Variants in ADGRA2 observed in about 807,000 individuals in gnomAD.
ADGRA2 encodes adhesion G protein-coupled receptor A2, also known as G-protein coupled receptor 124.
ADGRA2 carries 61 observed loss-of-function variants against 98.7 expected under a neutral mutation model. The observed-to-expected ratio is 0.62, with a 90% confidence interval of 0.50 to 0.76. The LOEUF is 0.76. Among genes scored for constraint, ADGRA2 ranks in the 30% least tolerant of loss-of-function variants. ADGRA2 has a pLI of 0.00. For synonymous variants in ADGRA2, 858 were observed against 831.5 expected, an observed-to-expected ratio of 1.03 and a Z score of -0.55; for missense variants, 1,712 against 1,860.0, an observed-to-expected ratio of 0.92 and a Z score of 1.46.
At chr8:37,806,628 C>G (rs1416297619) in intron 1 of ADGRA2, among the ~76,000 whole-genome samples, 1 of 148,330 alleles carries the variant, frequency 6.7e-6, no homozygotes, top group Non-Finnish European at 1.5e-5. Flanking sequence ...CTCCTGGGTT[C>G]AAGCAATTCT....
rs199996336 is a variant in ADGRA2, at chr8:37,837,835, G to A, written c.2155G>A (p.Gly719Arg). Residue 719 changes from glycine (G) to arginine (R), a missense_variant, in exon 14 of 19, where the codon GGG becomes AGG. By Grantham distance (125) the Gly-to-Arg change is moderately radical. Transcript: ENST00000412232. ...VAAWWSQEGP[G>R]EAGGWTSEGC... ...CGCTTGGTGGAGCCAGGAGGGGCCC[G>A]GGGAGGCTGGGGGCTGGACCTCGGA... The A allele has an allele frequency of 5.0e-5, 77 of 1,526,560 alleles. 1 individual carries two copies. Among genetic ancestry groups the A allele is most frequent in the East Asian group, 2.9e-4 (12 of 40,928 alleles). The allele number at this position is 1,526,560 out of a possible 1,614,324, so 94.6% of individuals were successfully genotyped here.
In ADGRA2 at chr8:37,842,186, G is replaced by C. The variant is rs546264591; in HGVS notation, c.3848G>C (p.Gly1283Ala). The change falls in exon 19 of 19, where the codon GGC (glycine) becomes GCC (alanine). Residue 1283 changes from glycine to alanine, a missense_variant. Coordinates refer to ENST00000412232, the MANE Select transcript of ADGRA2 (RefSeq NM_032777.10). ...GCCAGCCGCGACAGTCTCAAGGGCG[G>C]CGGCGCGCTGGAGAAGGAGAGCCAT... is the stretch of plus-strand genomic sequence containing the variant. The part of the protein sequence containing the change: ...RSASRDSLKG[G>A]GALEKESHRR... The C allele has an allele frequency of 1.9e-5, 29 of 1,539,172 alleles. No homozygotes were observed. In the African/African-American group the frequency reaches 4.0e-4, roughly 21 times the overall value.
Position 37,840,861 on chromosome 8 carries a change from T to TCC in ADGRA2, c.2747+14_2747+15dup. The TCC allele has an allele frequency of 1.5e-6, 1 of 663,936 alleles. No individual in the cohort carries two copies. Among genetic ancestry groups the TCC allele is most frequent in the South Asian group, 1.7e-5 (1 of 57,814 alleles). 41.1% of individuals were successfully genotyped at this position (663,936 alleles called of 1,614,324 possible). On this transcript the variant is annotated intron_variant, in intron 18 of 18. Coordinates refer to ENST00000412232, the MANE Select transcript of ADGRA2 (RefSeq NM_032777.10). ...GACCACAGCCCCTAGTGAGCACCCC[T>TCC]CCCTCCCGCCCCAAGCCTACCTACC... is the stretch of plus-strand genomic sequence containing the variant.
At chr8:37,832,961 T>A in intron 8 of ADGRA2, 49 bp from the exon 9 acceptor site, 5 of 1,433,690 alleles carry the variant, frequency 3.5e-6, no homozygotes, top group Non-Finnish European at 4.9e-6. Context: ...AGAAGGGCTG[T>A]TGTTCTGAGA....
chr8:37,801,404 G>T (rs1009967979), intron 1 of ADGRA2, among the ~76,000 whole-genome samples: 5 of 152,180 alleles, frequency 3.3e-5, no homozygotes, highest in African/African-American at 9.7e-5. Context: ...GGTCCCACGG[G>T]GGGTGGCTTA....
intron 1 of ADGRA2, among the ~76,000 whole-genome samples, chr8:37,800,686 C>G (rs188898175): frequency 2.8e-4 from 43 of 152,114 alleles, no homozygotes; most frequent in Non-Finnish European, 4.9e-4. Context: ...GCTCTCTGAG[C>G]CCCTGCATCT....
Position 37,833,775 on chromosome 8 carries a change from G to A in ADGRA2, c.1384G>A (p.Asp462Asn). The A allele has an allele frequency of 1.2e-6, 2 of 1,614,194 alleles. No homozygotes were observed. Among genetic ancestry groups the A allele is most frequent in the Non-Finnish European group, 8.5e-7 (1 of 1,180,014 alleles). ...GGCCGCTAGCTTTTCAGACATGATG[G>A]ATGTAGTCTATGTGGCTCAGATGAT... ...AEAASFSDMMDVVYVAQMIQK... is the reference protein window; with the variant it reads ...AEAASFSDMMNVVYVAQMIQK... Residue 462 changes from aspartate (D) to asparagine (N), a missense_variant, in exon 10 of 19, where the codon GAT becomes AAT. Coordinates refer to ENST00000412232, the MANE Select transcript of ADGRA2 (RefSeq NM_032777.10).
In ADGRA2 at chr8:37,841,994, G is replaced by C. The variant is rs1157391248; in HGVS notation, c.3656G>C (p.Ser1219Thr). The change falls in exon 19 of 19, where the codon AGC becomes ACC. Residue 1219 changes from serine (S) to threonine (T), a missense_variant. By Grantham distance (58) the Ser-to-Thr change is moderately conservative. Transcript: ENST00000412232. The surrounding 1 kb of genome is among the most constrained non-coding windows in gnomAD (Gnocchi z 5.0). ...GCGCTGGAGCTGCTGTCCAGCGAGA[G>C]CGGCAGTCTGCACAACAGCCCCACC... is the stretch of plus-strand genomic sequence containing the variant. ...AGALELLSSE[S>T]GSLHNSPTDS... 1 of 1,512,868 alleles carries C rather than the reference G, an allele frequency of 6.6e-7. No individual in the cohort carries two copies. Among genetic ancestry groups the C allele is most frequent in the Non-Finnish European group, 8.8e-7 (1 of 1,138,312 alleles). 93.7% of individuals were successfully genotyped at this position (1,512,868 alleles called of 1,614,324 possible). A position where few individuals can be genotyped will look rare whatever the true frequency, so the allele number is the denominator to read the frequency against.
chr8:37,833,631 C>T, intron 9 of ADGRA2, 57 bp from the exon 10 acceptor site: 1 of 1,571,938 alleles, frequency 6.4e-7, no homozygotes, highest in Non-Finnish European at 8.7e-7. Flanking sequence ...TCCCCAGGGG[C>T]AGTTCGGGGG....
intron 1 of ADGRA2, among the ~76,000 whole-genome samples, chr8:37,808,876 AGTGGCAT>A (rs1167932226): frequency 6.6e-6 from 1 of 152,082 alleles, no homozygotes; most frequent in Middle Eastern, 3.2e-3. Flanking sequence ...GCTGGAGTAC[AGTGGCAT>A]GATTTATCTT....
rs1199795030 is a variant in ADGRA2 at position 37,842,205 on chromosome 8, G to T, written c.3867G>T (p.Glu1289Asp). 6.5e-7 allele frequency: 1 copy of T among 1,545,028 alleles called. No individual in the cohort carries two copies. Among genetic ancestry groups the T allele is most frequent in the Admixed American group, 2.0e-5 (1 of 50,678 alleles). The part of the protein sequence containing the change: ...SLKGGGALEK[E>D]SHRRSYPLNA... ...AGGGCGGCGGCGCGCTGGAGAAGGA[G>T]AGCCATCGCCGCTCGTACCCGCTCA... Residue 1289 changes from glutamate (E) to aspartate (D), a missense_variant, in exon 19 of 19, where the codon GAG (glutamate) becomes GAT (aspartate). Glu to Asp is a conservative substitution (Grantham distance 45). Coordinates refer to ENST00000412232, the MANE Select transcript of ADGRA2 (RefSeq NM_032777.10).
Position 37,830,074 on chromosome 8 carries a change from G to C in ADGRA2, c.718+60G>C. On this transcript the variant is annotated intron_variant, in intron 6 of 18. Coordinates refer to ENST00000412232, the MANE Select transcript of ADGRA2 (RefSeq NM_032777.10). This position sits in a 1 kb window ranked among gnomAD's most constrained non-coding sequence, Gnocchi z 4.8. ...GACCCTGCCTCTCCACCAACCCAGG[G>C]CCCAGACACGAGCCTCCCCTCAGAC... 1 of 1,177,990 alleles carries C rather than the reference G, an allele frequency of 8.5e-7. No homozygotes were observed. Among genetic ancestry groups the C allele is most frequent in the Non-Finnish European group, 1.2e-6 (1 of 862,228 alleles). The allele number at this position is 1,177,990 out of a possible 1,614,324, so 73.0% of individuals were successfully genotyped here. A position where few individuals can be genotyped will look rare whatever the true frequency, so the allele number is the denominator to read the frequency against.
Position 37,842,989 on chromosome 8 carries a change from T to G in ADGRA2, c.*634T>G, listed in dbSNP as rs1223630690. The G allele has an allele frequency of 2.6e-5, 4 of 152,468 alleles. No homozygotes were observed. Among genetic ancestry groups the G allele is most frequent in the African/African-American group, 9.7e-5 (4 of 41,368 alleles). The allele number at this position is 152,468 out of a possible 1,614,324, so 9.4% of individuals were successfully genotyped here. A position where few individuals can be genotyped will look rare whatever the true frequency, so the allele number is the denominator to read the frequency against. On this transcript the variant is annotated 3_prime_UTR_variant, in exon 19 of 19. Transcript: ENST00000412232. ...GAGGGGAGTGGGAACCGGGCACAAC[T>G]AGGAACAATGCCACCATTCCCACAG...
intron 2 of ADGRA2, among the ~76,000 whole-genome samples, chr8:37,825,912 G>A (rs375748219): frequency 3.5e-4 from 54 of 152,206 alleles, no homozygotes; most frequent in African/African-American, 1.2e-3. Context: ...CTCCCCAGGC[G>A]GGCTTGAGGC....
chr8:37,812,959 G>A (rs1804880555), intron 1 of ADGRA2, among the ~76,000 whole-genome samples: 1 of 152,106 alleles, frequency 6.6e-6, no homozygotes, highest in Admixed American at 6.6e-5. Flanking sequence ...AAAGTGCTAG[G>A]TTACAGATGT....
intron 1 of ADGRA2, among the ~76,000 whole-genome samples, chr8:37,807,071 T>C (rs748784035): frequency 1.4e-4 from 21 of 152,196 alleles, no homozygotes; most frequent in Non-Finnish European, 2.9e-4. Flanking sequence ...ACAGCCCAGC[T>C]TCCAGGCTGG....
Position 37,844,034 on chromosome 8 carries a change from C to A in ADGRA2, c.*1679C>A, listed in dbSNP as rs1205735487. ...GTAGAGGATCTCATGACACCATACA[C>A]ACAAACCCATCATTGCCTGTGAATG... On this transcript the variant is annotated 3_prime_UTR_variant, in exon 19 of 19. Coordinates refer to ENST00000412232, the MANE Select transcript of ADGRA2 (RefSeq NM_032777.10). The A allele has an allele frequency of 7.3e-5, 13 of 177,840 alleles. No homozygotes were observed. The allele number at this position is 177,840 out of a possible 1,614,324, so 11.0% of individuals were successfully genotyped here. A position where few individuals can be genotyped will look rare whatever the true frequency, so the allele number is the denominator to read the frequency against.
chr8:37,841,935 C>G lies in ADGRA2; in HGVS notation c.3597C>G (p.Asn1199Lys). 1 of 1,521,328 alleles carries G rather than the reference C, an allele frequency of 6.6e-7. No homozygotes were observed. The highest frequency in any genetic ancestry group is 1.4e-5 in the African/African-American group (1 of 70,800). The allele number at this position is 1,521,328 out of a possible 1,614,324, so 94.2% of individuals were successfully genotyped here. A position where few individuals can be genotyped will look rare whatever the true frequency, so the allele number is the denominator to read the frequency against. ...GHRAGEACGKNRLKALRGGAA... is the reference protein window; with the variant it reads ...GHRAGEACGKKRLKALRGGAA... ...GCGCGGGGGAGGCCTGCGGCAAGAA[C>G]CGGCTCAAGGCCCTGCGCGGGGGCG... The change falls in exon 19 of 19, where the codon AAC (asparagine) becomes AAG (lysine). Residue 1199 changes from asparagine to lysine, a missense_variant. Asn to Lys is a moderately conservative substitution (Grantham distance 94). Transcript: ENST00000412232. This position sits in a 1 kb window ranked among gnomAD's most constrained non-coding sequence, Gnocchi z 5.0.
chr8:37,811,676 A>T (rs992273583), intron 1 of ADGRA2, among the ~76,000 whole-genome samples: 25 of 150,584 alleles, frequency 1.7e-4, no homozygotes, highest in Non-Finnish European at 3.0e-4. Flanking sequence ...GGGTTTCGCC[A>T]TGTTTGCCAG....
Sources: gnomAD v4.1 joint callset for allele counts (sites outside exome capture counted in the v4.1 genomes callset) on GRCh38, gnomAD v4.1.1 for gene constraint, Gnocchi (gnomAD v3.1) non-coding constraint, MANE v1.5 for transcripts, NCBI Gene and HGNC (gene_info 2026-07-23, HGNC 2026-07-21) for gene names.